The following FSTL5 variants were observed in gnomAD, a reference collection of about 807,000 sequenced individuals.
The protein encoded by FSTL5 is follistatin-related protein 5.
Under a neutral mutation model 89.1 loss-of-function variants are expected in FSTL5, and 62 were observed. That is an observed-to-expected ratio of 0.70 (90% CI 0.57 to 0.86). The LOEUF (loss-of-function observed/expected upper bound fraction) is 0.86. FSTL5 is among the 40% of genes least tolerant of loss of function. The pLI, the probability that FSTL5 is intolerant of heterozygous loss-of-function variation, is 0.00. For missense variants in FSTL5, 1,057 were observed against 1,001.6 expected (o/e 1.06, Z -0.75); for synonymous variants, 383 against 346.2 (o/e 1.11, Z -1.18).
At chr4:161,977,636 AAAAAAT>A (rs1735697803) in intron 3 of FSTL5, among the ~76,000 whole-genome samples, 1 of 106,260 alleles carries the variant, frequency 9.4e-6, no homozygotes, top group Admixed American at 1.1e-4. Flanking sequence ...AAAAAAAAAA[AAAAAAT>A]AATAATAATA....
chr4:161,613,745 T>C (rs1453292940), intron 7 of FSTL5, among the ~76,000 whole-genome samples: 1 of 152,216 alleles, frequency 6.6e-6, no homozygotes, highest in African/African-American at 2.4e-5. Context: ...AATTATGAAT[T>C]ACACATTGTG....
chr4:162,055,054 T>C (rs1394936500), intron 2 of FSTL5, among the ~76,000 whole-genome samples: 1 of 151,898 alleles, frequency 6.6e-6, no homozygotes, highest in Admixed American at 6.6e-5. Flanking sequence ...GTGGATAGCA[T>C]GTATGAGATG....
chr4:162,102,750 T>C (rs989245646), intron 2 of FSTL5, among the ~76,000 whole-genome samples: 4 of 146,640 alleles, frequency 2.7e-5, no homozygotes, highest in Non-Finnish European at 4.5e-5. Flanking sequence ...TATACACATA[T>C]ATAAATATGT....
intron 6 of FSTL5, among the ~76,000 whole-genome samples, chr4:161,705,380 G>T (rs1045686360): frequency 3.9e-5 from 6 of 152,022 alleles, no homozygotes; most frequent in Non-Finnish European, 8.8e-5. Flanking sequence ...GTCAGCAAAA[G>T]CTAACAGTAG....
At chr4:161,722,496 TA>T (rs968397516) in intron 6 of FSTL5, among the ~76,000 whole-genome samples, 1 of 152,204 alleles carries the variant, frequency 6.6e-6, no homozygotes, top group Non-Finnish European at 1.5e-5. Context: ...ACATTTCCTA[TA>T]TCTTCTTTCA....
intron 6 of FSTL5, among the ~76,000 whole-genome samples, chr4:161,669,370 T>C (rs1370527194): frequency 6.6e-6 from 1 of 152,022 alleles, no homozygotes; most frequent in African/African-American, 2.4e-5. Context: ...ATTAGAAGAC[T>C]GATACTACCT....
chr4:161,940,521 C>T (rs749650318), intron 3 of FSTL5, among the ~76,000 whole-genome samples: 1 of 150,866 alleles, frequency 6.6e-6, no homozygotes, highest in Admixed American at 6.6e-5. Flanking sequence ...CAGAGAGAAA[C>T]AACTTGCCCT....
chr4:162,112,822 G>C (rs1418803342), intron 1 of FSTL5, among the ~76,000 whole-genome samples: 2 of 123,566 alleles, frequency 1.6e-5, no homozygotes, highest in Admixed American at 8.1e-5. Context: ...CACACCAGTG[G>C]GCATTCCTAA....
At chr4:162,009,582 TA>T (rs1447217546) in intron 3 of FSTL5, among the ~76,000 whole-genome samples, 2 of 152,056 alleles carry the variant, frequency 1.3e-5, no homozygotes, top group African/African-American at 4.8e-5. Context: ...CCCTTTAAAT[TA>T]CCAGTGGACA....
chr4:161,734,097 T>G (rs947368297), intron 6 of FSTL5, among the ~76,000 whole-genome samples: 2 of 152,172 alleles, frequency 1.3e-5, no homozygotes, highest in African/African-American at 4.8e-5. Flanking sequence ...AAAAGATCTT[T>G]GAGAAGTAAA....
chr4:161,856,499 T>G (rs1731724952), intron 4 of FSTL5, among the ~76,000 whole-genome samples: 1 of 151,986 alleles, frequency 6.6e-6, no homozygotes, highest in Admixed American at 6.6e-5. Context: ...CATCAAACAT[T>G]TATTGGGCAT....
intron 10 of FSTL5, among the ~76,000 whole-genome samples, chr4:161,522,119 G>A (rs998288893): frequency 2.6e-5 from 4 of 152,040 alleles, no homozygotes; most frequent in Admixed American, 2.0e-4. Context: ...AAGACAGAGC[G>A]ATGCCAGCTG....
intron 4 of FSTL5, among the ~76,000 whole-genome samples, chr4:161,828,346 C>T (rs1030745579): frequency 6.6e-6 from 1 of 152,150 alleles, no homozygotes; most frequent in African/African-American, 2.4e-5. Context: ...CCACTTCCTT[C>T]AAAGAGTCTG....
At chr4:162,153,828 G>C (rs887110639) in intron 1 of FSTL5, among the ~76,000 whole-genome samples, 2 of 142,280 alleles carry the variant, frequency 1.4e-5, no homozygotes, top group Admixed American at 1.4e-4. Flanking sequence ...TATTTTAGAC[G>C]GACTTTCACT....
At chr4:161,662,363 A>G (rs150612092) in intron 6 of FSTL5, among the ~76,000 whole-genome samples, 602 of 152,280 alleles carry the variant, frequency 4.0e-3, no homozygotes, top group African/African-American at 0.014. Context: ...AAATAATCCA[A>G]TAAGATTGTA....
intron 12 of FSTL5, among the ~76,000 whole-genome samples, chr4:161,490,805 C>T (rs949915002): frequency 2.6e-5 from 4 of 152,062 alleles, no homozygotes; most frequent in African/African-American, 9.7e-5. Context: ...AGAATGACTA[C>T]AAAGAGCTTC....
At chr4:161,979,679 C>T (rs1489237104) in intron 3 of FSTL5, among the ~76,000 whole-genome samples, 1 of 152,052 alleles carries the variant, frequency 6.6e-6, no homozygotes, top group Non-Finnish European at 1.5e-5. Flanking sequence ...ACCCATAACA[C>T]TGGTTATTAT....
intron 15 of FSTL5, among the ~76,000 whole-genome samples, chr4:161,450,741 A>ATTTTTTTTTT (rs70937651): frequency 7.6e-6 from 1 of 131,586 alleles, no homozygotes. Context: ...ATTCATCTTC[A>ATTTTTTTTTT]TTTTTTTTTT....
At chr4:162,110,227 T>G (rs566405095) in intron 2 of FSTL5, among the ~76,000 whole-genome samples, 1 of 151,986 alleles carries the variant, frequency 6.6e-6, no homozygotes, top group African/African-American at 2.4e-5. Flanking sequence ...ATTTAGAAAA[T>G]TCCTTCACCT....
Sources: gnomAD v4.1 joint callset for allele counts (sites outside exome capture counted in the v4.1 genomes callset) on GRCh38, gnomAD v4.1.1 for gene constraint, MANE v1.5 for transcripts, NCBI Gene and HGNC (gene_info 2026-07-23, HGNC 2026-07-21) for gene names.